Variants in CACNB2 observed in about 807,000 individuals in gnomAD.
CACNB2 encodes the protein calcium voltage-gated channel auxiliary subunit beta 2, also known as voltage-dependent L-type calcium channel subunit beta-2.
CACNB2 carries 42 observed loss-of-function variants against 73.3 expected under a neutral mutation model. That is an observed-to-expected ratio of 0.57 (90% confidence interval 0.45 to 0.74). The LOEUF is 0.74. Among genes scored for constraint, CACNB2 ranks in the 30% least tolerant of loss-of-function variants. CACNB2 has a pLI of 0.00. For synonymous variants in CACNB2, 348 were observed against 310.3 expected (o/e 1.12, Z -1.28); for missense variants, 940 against 853.0 (o/e 1.10, Z -1.27).
At position 18,182,072 on chromosome 10, in the gene CACNB2, A is replaced by C. The variant is rs142230359; in HGVS notation, c.213+31097A>C. On this transcript the variant is annotated intron_variant, in intron 2 of 13. Coordinates refer to ENST00000324631, the MANE Select transcript of CACNB2 (RefSeq NM_201596.3). ...AGGGCAGTGAAAGACTATGAATCTG[A>C]GGAGGACCTTCCTGGGTCACTGGCA... 851 of 152,406 alleles carry C rather than the reference A, an allele frequency of 5.6e-3. 6 individuals are homozygous for C. The highest frequency in any genetic ancestry group is 0.01 in the Non-Finnish European group (692 of 68,132). The allele number at this position is 152,406 out of a possible 1,614,324, so 9.4% of individuals were successfully genotyped here.
chr10:18,208,136 G>C (rs2035170500), intron 2 of CACNB2, among the ~76,000 whole-genome samples: 1 of 152,104 alleles, frequency 6.6e-6, no homozygotes, highest in South Asian at 2.1e-4. Context: ...TGAGCCCATG[G>C]ACTGATAAGC....
At chr10:18,538,443 C>A in intron 13 of CACNB2, 78 bp downstream of exon 13, 1 of 1,283,140 alleles carries the variant, frequency 7.8e-7, no homozygotes, top group Non-Finnish European at 1.1e-6. Flanking sequence ...CCTCTAGGAT[C>A]CAAGCCCAGT....
intron 2 of CACNB2, among the ~76,000 whole-genome samples, chr10:18,368,342 A>G (rs191082959): frequency 6.6e-6 from 1 of 152,306 alleles, no homozygotes; most frequent in Non-Finnish European, 1.5e-5. Context: ...AGAGTAGGAT[A>G]TGACTCCATT....
intron 13 of CACNB2, among the ~76,000 whole-genome samples, 184 bp downstream of exon 13, chr10:18,538,549 T>C (rs1419804118): frequency 1.3e-5 from 2 of 151,984 alleles, no homozygotes; most frequent in Non-Finnish European, 1.5e-5. Flanking sequence ...ACAGAATATA[T>C]TGGGAACATA....
At chr10:18,263,310 T>A (rs1458560365) in intron 2 of CACNB2, among the ~76,000 whole-genome samples, 1 of 152,172 alleles carries the variant, frequency 6.6e-6, no homozygotes, top group Non-Finnish European at 1.5e-5. Flanking sequence ...AGGCTGCTCA[T>A]TGAATACAAA....
intron 12 of CACNB2, 23 bp from the exon 13 acceptor site, chr10:18,538,157 G>A: frequency 1.2e-6 from 2 of 1,613,740 alleles, no homozygotes; most frequent in South Asian, 1.1e-5. Flanking sequence ...CATCAATGTG[G>A]TCTGGAATGT....
At chr10:18,264,279 T>C (rs1175156077) in intron 2 of CACNB2, among the ~76,000 whole-genome samples, 3 of 152,216 alleles carry the variant, frequency 2.0e-5, no homozygotes, top group Non-Finnish European at 4.4e-5. Context: ...TCATGGAAAA[T>C]TGGGTATCCA....
chr10:18,394,988 G>A (rs2043648531), intron 2 of CACNB2, among the ~76,000 whole-genome samples: 1 of 152,084 alleles, frequency 6.6e-6, no homozygotes, highest in Non-Finnish European at 1.5e-5. Context: ...ATGTAACTCC[G>A]AATTAAGGAA....
chr10:18,390,107 T>C (rs1461856212), intron 2 of CACNB2, among the ~76,000 whole-genome samples: 1 of 152,224 alleles, frequency 6.6e-6, no homozygotes, highest in African/African-American at 2.4e-5. Context: ...TAATTGTTCA[T>C]TGCCACCCGG....
intron 2 of CACNB2, among the ~76,000 whole-genome samples, chr10:18,315,526 A>AAAACCTTTTTTTTTTTTTAATTAGCC (rs1554791257): frequency 8.2e-6 from 1 of 121,824 alleles, no homozygotes; most frequent in African/African-American, 3.1e-5. Context: ...AAAAAAAAAA[A>AAAACCTTTTTTTTTTTTTAATTAGCC]AACTTTTTTT....
intron 3 of CACNB2, among the ~76,000 whole-genome samples, chr10:18,426,254 T>A (rs957669028): frequency 5.3e-5 from 8 of 152,220 alleles, no homozygotes; most frequent in Non-Finnish European, 1.2e-4. Flanking sequence ...AAATAGGAAC[T>A]ATCTCTCCAT....
chr10:18,266,875 C>G (rs73601557), intron 2 of CACNB2, among the ~76,000 whole-genome samples: 1,744 of 151,980 alleles, frequency 0.011, 48 homozygotes, highest in African/African-American at 0.04. Context: ...GGGAGACAGA[C>G]GAGACTCTAT....
chr10:18,381,761 G>T (rs1244281678), intron 2 of CACNB2, among the ~76,000 whole-genome samples: 2 of 151,892 alleles, frequency 1.3e-5, no homozygotes, highest in African/African-American at 4.8e-5. Flanking sequence ...GAAGGGATAG[G>T]ATTGTATTAA....
At chr10:18,253,708 C>T (rs553572626) in intron 2 of CACNB2, among the ~76,000 whole-genome samples, 1 of 152,280 alleles carries the variant, frequency 6.6e-6, no homozygotes, top group African/African-American at 2.4e-5. Context: ...TCTCCTTTCT[C>T]ACTTCCTCCA....
intron 3 of CACNB2, among the ~76,000 whole-genome samples, chr10:18,451,835 AC>A (rs1170615636): frequency 6.6e-6 from 1 of 152,228 alleles, no homozygotes; most frequent in Non-Finnish European, 1.5e-5. Context: ...ACATCTTTGA[AC>A]AGAATGCTAG....
chr10:18,270,366 G>A (rs1031314297), intron 2 of CACNB2, among the ~76,000 whole-genome samples: 1 of 152,128 alleles, frequency 6.6e-6, no homozygotes, highest in African/African-American at 2.4e-5. Flanking sequence ...TGGGGACAAA[G>A]CCAAACTCTA....
chr10:18,140,899 G>A (rs1465177966), intron 1 of CACNB2, 43 bp downstream of exon 1: 6 of 1,563,210 alleles, frequency 3.8e-6, no homozygotes, highest in Middle Eastern at 2.1e-4. Context: ...GTGAGCCGCC[G>A]GGCAGGGCAC....
intron 2 of CACNB2, among the ~76,000 whole-genome samples, chr10:18,207,513 G>A (rs375240259): frequency 4.6e-5 from 7 of 152,260 alleles, no homozygotes; most frequent in African/African-American, 1.7e-4. Flanking sequence ...AAGGTGGGGT[G>A]GGGGAGAAAC....
At chr10:18,492,048 A>G (rs2049466559) in intron 3 of CACNB2, among the ~76,000 whole-genome samples, 1 of 152,068 alleles carries the variant, frequency 6.6e-6, no homozygotes, top group Non-Finnish European at 1.5e-5. Flanking sequence ...GCCTCAGGAG[A>G]CTTACAGTCG....
Sources: gnomAD v4.1 joint callset for allele counts (sites outside exome capture counted in the v4.1 genomes callset) on GRCh38, gnomAD v4.1.1 for gene constraint, MANE v1.5 for transcripts, NCBI Gene and HGNC (gene_info 2026-07-23, HGNC 2026-07-21) for gene names.